Variants in ARL8A observed in about 807,000 individuals in gnomAD.
ARL8A encodes ARF like GTPase 8A, also known as ADP-ribosylation factor-like protein 8A.
ARL8A carries 10 observed loss-of-function variants against 31.2 expected under a neutral mutation model. The observed-to-expected ratio is 0.32, with a 90% CI of 0.20 to 0.54. The LOEUF (loss-of-function observed/expected upper bound fraction) is 0.54. ARL8A is among the 20% of genes least tolerant of loss of function. The probability of loss-of-function intolerance (pLI) is 0.93; values close to 1 mark genes in which losing one functional copy is unlikely to be tolerated. For synonymous variants in ARL8A, 70 were observed against 86.9 expected, an observed-to-expected ratio of 0.81 and a Z score of 1.08; for missense variants, 129 against 242.8, an observed-to-expected ratio of 0.53 and a Z score of 3.12.
At chr1:202,136,253 A>C (rs1379983166) in intron 3 of ARL8A, among the ~76,000 whole-genome samples, 1 of 151,946 alleles carries the variant, frequency 6.6e-6, no homozygotes, top group Non-Finnish European at 1.5e-5. Context: ...TTGTTTGGGC[A>C]TATATATATA....
intron 3 of ARL8A, 21 bp downstream of exon 3, chr1:202,137,944 C>A (rs375547855): frequency 6.2e-7 from 1 of 1,613,568 alleles, no homozygotes; most frequent in African/African-American, 1.3e-5. Context: ...TGGAGTCTGG[C>A]GATGCCTCCC....
rs189023987 is a variant in ARL8A at position 202,137,020 on chromosome 1, A to G, written c.278+945T>C. Among the ~76,000 whole-genome samples, 1,223 of 151,640 alleles carry G rather than the reference A, an allele frequency of 8.1e-3. 40 individuals are homozygous for G. The highest frequency in any genetic ancestry group is 0.055 in the Admixed American group (835 of 15,238). On this transcript the variant is annotated intron_variant, in intron 3 of 6. Transcript: ENST00000272217. Reference sequence around the variant, plus strand: ...CAGGCGCCTGCCACCACGCCCAGCTAATTTTTTTTGTATTTTTGGTAGAGA... The same window carrying G: ...CAGGCGCCTGCCACCACGCCCAGCTGATTTTTTTTGTATTTTTGGTAGAGA...
chr1:202,138,422 G>T lies in ARL8A; in HGVS notation c.150C>A (p.Ile50=). The change falls in exon 2 of 7, where the codon ATC becomes ATA. Residue 50 remains isoleucine, a synonymous_variant. Coordinates refer to ENST00000272217, the MANE Select transcript of ARL8A (RefSeq NM_138795.4). The surrounding 1 kb of genome is among the most constrained non-coding windows in gnomAD (Gnocchi z 4.4). Reference sequence around the variant, plus strand: ...TGCGCATGTTGAAACCCACGGTGGGGATCATGTCCTCGTTGAACTGTCCTG... The same window carrying T: ...TGCGCATGTTGAAACCCACGGTGGGTATCATGTCCTCGTTGAACTGTCCTG... The part of the protein sequence containing the change: ...IASGQFNEDM[I]PTVGFNMRKI... 11 of 1,614,072 alleles carry T rather than the reference G, an allele frequency of 6.8e-6. No individual in the cohort carries two copies. The highest frequency in any genetic ancestry group is 1.3e-5 in the African/African-American group (1 of 75,016).
intron 1 of ARL8A, among the ~76,000 whole-genome samples, chr1:202,141,780 G>C (rs1381745162): frequency 6.6e-6 from 1 of 151,986 alleles, no homozygotes; most frequent in Admixed American, 6.6e-5. Flanking sequence ...TTAAATATTT[G>C]AAAATGACCC....
intron 1 of ARL8A, among the ~76,000 whole-genome samples, chr1:202,139,204 G>A (rs1179613205): frequency 1.3e-5 from 2 of 152,132 alleles, no homozygotes; most frequent in Non-Finnish European, 2.9e-5. Context: ...AATAAGGCCA[G>A]ACCCAACTCC....
Position 202,138,628 on chromosome 1 carries a change from G to A in ARL8A, c.124-180C>T, listed in dbSNP as rs1180273377. 1.3e-5 allele frequency among the ~76,000 whole-genome samples: 2 copies of A among 152,094 alleles called. No individual in the cohort carries two copies. The highest frequency in any genetic ancestry group is 1.9e-4 in the East Asian group (1 of 5,192). On this transcript the variant is annotated intron_variant, in intron 1 of 6. Coordinates refer to ENST00000272217, the MANE Select transcript of ARL8A (RefSeq NM_138795.4). The surrounding 1 kb of genome is among the most constrained non-coding windows in gnomAD (Gnocchi z 4.4). ...GGGCTATCACCAACCTATGTGTCCCGCCTACACCTGGGGATGCCCTGTGAA... is the reference window on the plus strand; with the variant it reads ...GGGCTATCACCAACCTATGTGTCCCACCTACACCTGGGGATGCCCTGTGAA...
intron 1 of ARL8A, among the ~76,000 whole-genome samples, chr1:202,142,961 G>C (rs1655199548): frequency 6.6e-6 from 1 of 152,134 alleles, no homozygotes; most frequent in Non-Finnish European, 1.5e-5. Flanking sequence ...CAGAGTCCAG[G>C]TGTTATGTGC....
Position 202,134,244 on chromosome 1 carries a change from C to T in ARL8A, c.*223G>A, listed in dbSNP as rs756782284. The stretch of plus-strand genomic sequence containing the variant: ...GGGCTGGGTGATGGGACAAAGGCAG[C>T]GGGGAAGGGTGAGAAGTTAGGGGAC... On this transcript the variant is annotated 3_prime_UTR_variant, in exon 7 of 7. Coordinates refer to ENST00000272217, the MANE Select transcript of ARL8A (RefSeq NM_138795.4). The surrounding 1 kb of genome is among the most constrained non-coding windows in gnomAD (Gnocchi z 4.2). The T allele has an allele frequency of 1.6e-5, 9 of 550,856 alleles. No individual in the cohort carries two copies. Among genetic ancestry groups the T allele is most frequent in the East Asian group, 3.1e-5 (1 of 32,380 alleles). The allele number at this position is 550,856 out of a possible 1,614,324, so 34.1% of individuals were successfully genotyped here. A position where few individuals can be genotyped will look rare whatever the true frequency, so the allele number is the denominator to read the frequency against.
rs900015204 is a variant in ARL8A at position 202,135,892 on chromosome 1, G to A, written c.279-92C>T. 3 of 1,210,916 alleles carry A rather than the reference G, an allele frequency of 2.5e-6. No individual in the cohort carries two copies. In the African/African-American group the frequency reaches 4.5e-5, roughly 18 times the overall value. 75.0% of individuals were successfully genotyped at this position (1,210,916 alleles called of 1,614,324 possible). A position where few individuals can be genotyped will look rare whatever the true frequency, so the allele number is the denominator to read the frequency against. On this transcript the variant is annotated intron_variant, in intron 3 of 6. Transcript: ENST00000272217. The surrounding 1 kb of genome is among the most constrained non-coding windows in gnomAD (Gnocchi z 5.3). ...AAGGAGCTGCTGCTTGGAGGTGAAAGCATCTGTTGCAGCTTGGTCACCTCG... is the reference window on the plus strand; with the variant it reads ...AAGGAGCTGCTGCTTGGAGGTGAAAACATCTGTTGCAGCTTGGTCACCTCG...
In ARL8A at chr1:202,138,697, TA is replaced by T. The variant is rs1377173193; in HGVS notation, c.124-250del. ...ACAGTCTCAATCTCTTTGCCTAGACTAGGGGAAAATTCTTCCTCAAGTCTAA... is the reference window on the plus strand; with the variant it reads ...ACAGTCTCAATCTCTTTGCCTAGACTGGGGAAAATTCTTCCTCAAGTCTAA... On this transcript the variant is annotated intron_variant, in intron 1 of 6. Coordinates refer to ENST00000272217, the MANE Select transcript of ARL8A (RefSeq NM_138795.4). The surrounding 1 kb of genome is among the most constrained non-coding windows in gnomAD (Gnocchi z 4.4). Among the ~76,000 whole-genome samples the T allele has an allele frequency of 1.3e-5, 2 of 152,158 alleles. No homozygotes were observed. The highest frequency in any genetic ancestry group is 4.8e-5 in the African/African-American group (2 of 41,434).
At position 202,135,134 on chromosome 1, in the gene ARL8A, C is replaced by T; in HGVS notation, c.511+16G>A. ...AATGCCTCTCCCCTCTCCTCCCTTT[C>T]CCCCATCCTACGCACCAATGTTGTC... On this transcript the variant is annotated intron_variant, in intron 6 of 6. Transcript: ENST00000272217. The surrounding 1 kb of genome is among the most constrained non-coding windows in gnomAD (Gnocchi z 5.3). The T allele has an allele frequency of 6.2e-7, 1 of 1,610,360 alleles. No homozygotes were observed. The highest frequency in any genetic ancestry group is 1.1e-5 in the South Asian group (1 of 90,992).
At position 202,136,116 on chromosome 1, in the gene ARL8A, G is replaced by A. The variant is rs75561335; in HGVS notation, c.279-316C>T. On this transcript the variant is annotated intron_variant, in intron 3 of 6. Coordinates refer to ENST00000272217, the MANE Select transcript of ARL8A (RefSeq NM_138795.4). ...GTCCCTCTCAAAGTGACCCACTTAT[G>A]TTTTCATGGAAAGACTAAATAAGGT... Among the ~76,000 whole-genome samples the A allele has an allele frequency of 2.0e-3, 308 of 152,190 alleles. 1 individual carries two copies. Among genetic ancestry groups the A allele is most frequent in the African/African-American group, 7.2e-3 (301 of 41,522 alleles).
intron 3 of ARL8A, among the ~76,000 whole-genome samples, chr1:202,136,197 T>C (rs936222043): frequency 2.0e-5 from 3 of 152,218 alleles, no homozygotes; most frequent in Non-Finnish European, 4.4e-5. Flanking sequence ...AGATACTTTT[T>C]GTTATCAGGT....
At chr1:202,137,776 T>C (rs1481040497) in intron 3 of ARL8A, among the ~76,000 whole-genome samples, 189 bp downstream of exon 3, 1 of 152,180 alleles carries the variant, frequency 6.6e-6, no homozygotes, top group Non-Finnish European at 1.5e-5. Context: ...GATTGGGTAG[T>C]GAGTGCCCAG....
chr1:202,135,795 A>G lies in ARL8A; in HGVS notation c.284T>C (p.Met95Thr). The change falls in exon 4 of 7, where the codon ATG becomes ACG. Residue 95 changes from methionine to threonine, a missense_variant. Met to Thr is a moderately conservative substitution (Grantham distance 81). Transcript: ENST00000272217. This position sits in a 1 kb window ranked among gnomAD's most constrained non-coding sequence, Gnocchi z 5.3. ...CTTCTCCTGGTCAGCAGCATCCACC[A>G]TGTACCTGGGGAAAGAGGCAGGGTG... Reference protein sequence around the residue: ...YCRGVSAIVYMVDAADQEKIE... With the variant: ...YCRGVSAIVYTVDAADQEKIE... The G allele has an allele frequency of 6.2e-7, 1 of 1,613,882 alleles. No homozygotes were observed. Among genetic ancestry groups the G allele is most frequent in the Non-Finnish European group, 8.5e-7 (1 of 1,179,786 alleles).
At chr1:202,142,046 T>G (rs1256637097) in intron 1 of ARL8A, among the ~76,000 whole-genome samples, 1 of 152,130 alleles carries the variant, frequency 6.6e-6, no homozygotes, top group Non-Finnish European at 1.5e-5. Context: ...TTTTGTATTT[T>G]TAGTAGAGAT....
intron 1 of ARL8A, among the ~76,000 whole-genome samples, chr1:202,141,528 G>T (rs1655163343): frequency 6.6e-6 from 1 of 151,802 alleles, no homozygotes; most frequent in Non-Finnish European, 1.5e-5. Flanking sequence ...TGTAATCCCA[G>T]CTACTCGGGA....
Position 202,135,569 on chromosome 1 carries a change from G to C in ARL8A, c.373-43C>G. ...TGAGGATGAGGTCTAGGGCAGCCGT[G>C]CCCAGGTTGTCTGGGTGGTGAGCTG... On this transcript the variant is annotated intron_variant, in intron 4 of 6. Transcript: ENST00000272217. The surrounding 1 kb of genome is among the most constrained non-coding windows in gnomAD (Gnocchi z 5.3). The C allele has an allele frequency of 6.2e-7, 1 of 1,606,018 alleles. No individual in the cohort carries two copies. Among genetic ancestry groups the C allele is most frequent in the Non-Finnish European group, 8.5e-7 (1 of 1,172,808 alleles).
chr1:202,136,648 C>T (rs1655013310), intron 3 of ARL8A, among the ~76,000 whole-genome samples: 1 of 152,182 alleles, frequency 6.6e-6, no homozygotes, highest in Non-Finnish European at 1.5e-5. Context: ...CAGCTCACTG[C>T]AGCCTCGGCT....
Sources: gnomAD v4.1 joint callset for allele counts (sites outside exome capture counted in the v4.1 genomes callset) on GRCh38, gnomAD v4.1.1 for gene constraint, Gnocchi (gnomAD v3.1) non-coding constraint, MANE v1.5 for transcripts, NCBI Gene and HGNC (gene_info 2026-07-23, HGNC 2026-07-21) for gene names.